The following RPS6KA2 variants were observed in gnomAD, a reference collection of about 807,000 sequenced individuals.
The protein encoded by RPS6KA2 is ribosomal protein S6 kinase A2.
A neutral mutation model predicts 91.8 loss-of-function variants in RPS6KA2; 42 were observed. The ratio of observed to expected loss-of-function variants is 0.46; its 90% CI spans 0.36 to 0.59. The LOEUF (loss-of-function observed/expected upper bound fraction) is 0.59. Ranked by LOEUF, RPS6KA2 falls within the 20% of genes least tolerant of loss-of-function variation. The probability of loss-of-function intolerance (pLI) is 0.00; values close to 1 mark genes in which losing one functional copy is unlikely to be tolerated. For synonymous variants in RPS6KA2, 414 were observed against 393.6 expected, an observed-to-expected ratio of 1.05 and a Z score of -0.61; for missense variants, 798 against 978.5, an observed-to-expected ratio of 0.82 and a Z score of 2.46.
At chr6:166,742,857 C>T (rs1790854811) in intron 2 of RPS6KA2, among the ~76,000 whole-genome samples, 1 of 152,226 alleles carries the variant, frequency 6.6e-6, no homozygotes, top group Non-Finnish European at 1.5e-5. Context: ...AAGCCAGACA[C>T]ACAAACAGAC....
At chr6:166,481,860 T>C (rs764530521) in intron 10 of RPS6KA2, among the ~76,000 whole-genome samples, 46 of 149,832 alleles carry the variant, frequency 3.1e-4, no homozygotes, top group Middle Eastern at 6.9e-3. Context: ...TGCTGCAGTG[T>C]GGAGAGCTCT....
At chr6:166,815,013 T>G (rs1031383533) in intron 2 of RPS6KA2, among the ~76,000 whole-genome samples, 1 of 152,212 alleles carries the variant, frequency 6.6e-6, no homozygotes, top group African/African-American at 2.4e-5. Flanking sequence ...AATTTGTCCC[T>G]GGTGCCAAAA....
At chr6:166,578,601 T>C (rs528991099) in intron 1 of RPS6KA2, among the ~76,000 whole-genome samples, 107 of 152,288 alleles carry the variant, frequency 7.0e-4, no homozygotes, top group Non-Finnish European at 6.3e-4. Context: ...GCTCTTTCTT[T>C]AACAAATGAT....
intron 1 of RPS6KA2, among the ~76,000 whole-genome samples, chr6:166,578,532 T>C (rs1207353356): frequency 6.6e-6 from 1 of 152,142 alleles, no homozygotes; most frequent in East Asian, 1.9e-4. Context: ...AGTTTAACAG[T>C]GTTAAATAAT....
chr6:166,512,100 T>C (rs1209046374), intron 3 of RPS6KA2, among the ~76,000 whole-genome samples: 21 of 151,860 alleles, frequency 1.4e-4, no homozygotes, highest in African/African-American at 5.1e-4. Context: ...CACACACACA[T>C]ACACAAACAC....
intron 2 of RPS6KA2, among the ~76,000 whole-genome samples, chr6:166,752,880 T>G (rs1007860744): frequency 1.3e-5 from 2 of 151,738 alleles, no homozygotes; most frequent in African/African-American, 4.9e-5. Flanking sequence ...CTAACCACTG[T>G]GTTAAGCCTT....
chr6:166,431,066 T>G (rs947007112), intron 15 of RPS6KA2, among the ~76,000 whole-genome samples: 1 of 152,170 alleles, frequency 6.6e-6, no homozygotes, highest in Non-Finnish European at 1.5e-5. Context: ...TAGCTGGGAT[T>G]ATAGGTGCAC....
chr6:166,579,953 A>G (rs1017921862), intron 1 of RPS6KA2, among the ~76,000 whole-genome samples: 2 of 152,262 alleles, frequency 1.3e-5, no homozygotes, highest in African/African-American at 4.8e-5. Context: ...TAGGGAATGC[A>G]TAGTGACAAC....
At chr6:166,431,675 G>A (rs1212308464) in intron 15 of RPS6KA2, among the ~76,000 whole-genome samples, 1 of 152,122 alleles carries the variant, frequency 6.6e-6, no homozygotes, top group Non-Finnish European at 1.5e-5. Context: ...GGAGTGCAAT[G>A]GTGTAATCTC....
intron 2 of RPS6KA2, among the ~76,000 whole-genome samples, chr6:166,535,471 T>C (rs1258103865): frequency 6.6e-6 from 1 of 152,262 alleles, no homozygotes; most frequent in Non-Finnish European, 1.5e-5. Context: ...TTAAAAAACT[T>C]TGGTTTGGTT....
At chr6:166,637,551 C>G (rs1415799985) in intron 2 of RPS6KA2, among the ~76,000 whole-genome samples, 1 of 152,206 alleles carries the variant, frequency 6.6e-6, no homozygotes. Flanking sequence ...TGCAGGCTGC[C>G]TGCGCAGGTC....
chr6:166,469,996 G>A, intron 10 of RPS6KA2, 91 bp from the exon 11 acceptor site: 1 of 1,177,444 alleles, frequency 8.5e-7, no homozygotes, highest in Non-Finnish European at 1.3e-6. Flanking sequence ...GTGGGGATGT[G>A]CAGAGGTGGG....
chr6:166,564,351 T>A (rs1784429835), intron 1 of RPS6KA2, among the ~76,000 whole-genome samples: 1 of 152,182 alleles, frequency 6.6e-6, no homozygotes, highest in Non-Finnish European at 1.5e-5. Flanking sequence ...AGTCGGACAC[T>A]GGAGGGGCCT....
intron 11 of RPS6KA2, among the ~76,000 whole-genome samples, chr6:166,462,269 G>A (rs1229193951): frequency 6.6e-6 from 1 of 152,220 alleles, no homozygotes; most frequent in Non-Finnish European, 1.5e-5. Context: ...ACCCCCGGTG[G>A]GGCAGGGCTG....
intron 1 of RPS6KA2, among the ~76,000 whole-genome samples, chr6:166,620,628 G>T (rs1367546119): frequency 6.6e-6 from 1 of 152,156 alleles, no homozygotes; most frequent in Non-Finnish European, 1.5e-5. Flanking sequence ...AGGCTGGCAG[G>T]AGAGAAAAAA....
chr6:166,680,367 C>A (rs1191339297), intron 2 of RPS6KA2, among the ~76,000 whole-genome samples: 2 of 152,172 alleles, frequency 1.3e-5, no homozygotes, highest in Non-Finnish European at 2.9e-5. Flanking sequence ...GTAAAATGGA[C>A]CAATCAGCAG....
chr6:166,798,480 G>A (rs531450805), intron 2 of RPS6KA2, among the ~76,000 whole-genome samples: 110 of 152,336 alleles, frequency 7.2e-4, no homozygotes, highest in African/African-American at 2.6e-3. Flanking sequence ...AGCTTCCCCA[G>A]GGAGCCCCAA....
chr6:166,592,651 G>A (rs112899355), intron 1 of RPS6KA2, among the ~76,000 whole-genome samples: 1 of 151,402 alleles, frequency 6.6e-6, no homozygotes, highest in Non-Finnish European at 1.5e-5. Flanking sequence ...AGGGACGGGG[G>A]AGGGCAGGCA....
chr6:166,500,790 G>C lies in RPS6KA2; in HGVS notation c.604+97C>G, dbSNP rs1781999207. 3 of 1,103,242 alleles carry C rather than the reference G, an allele frequency of 2.7e-6. No individual in the cohort carries two copies. Among genetic ancestry groups the C allele is most frequent in the Non-Finnish European group, 4.1e-6 (3 of 724,386 alleles). The allele number at this position is 1,103,242 out of a possible 1,614,324, so 68.3% of individuals were successfully genotyped here. On this transcript the variant is annotated intron_variant, in intron 7 of 20. Coordinates refer to ENST00000265678, the MANE Select transcript of RPS6KA2 (RefSeq NM_021135.6). This position sits in a 1 kb window ranked among gnomAD's most constrained non-coding sequence, Gnocchi z 4.3. ...AGAGACAAGCATCTGGCAAAGGGAA[G>C]GGCGGTGTAAATAAGAGGGCTTGGG... is the stretch of plus-strand genomic sequence containing the variant.
Sources: gnomAD v4.1 joint callset for allele counts (sites outside exome capture counted in the v4.1 genomes callset) on GRCh38, gnomAD v4.1.1 for gene constraint, Gnocchi (gnomAD v3.1) non-coding constraint, MANE v1.5 for transcripts, NCBI Gene and HGNC (gene_info 2026-07-23, HGNC 2026-07-21) for gene names.